The following TDRD10 variants were observed in gnomAD, a reference collection of about 807,000 sequenced individuals.
TDRD10 encodes tudor domain containing 10, also known as tudor domain-containing protein 10.
In TDRD10, 40 loss-of-function variants were observed where a neutral mutation model predicts 48.0. The ratio of observed to expected loss-of-function variants is 0.83; its 90% CI spans 0.65 to 1.09. TDRD10 has a LOEUF of 1.09. Among genes scored for constraint, TDRD10 ranks in the 50% least tolerant of loss-of-function variants. The pLI, the probability that TDRD10 is intolerant of heterozygous loss-of-function variation, is 0.00. For missense variants in TDRD10, 378 were observed against 434.7 expected, an observed-to-expected ratio of 0.87 and a Z score of 1.16; for synonymous variants, 162 against 170.4, an observed-to-expected ratio of 0.95 and a Z score of 0.38.
At chr1:154,506,762 G>A (rs1693175225) in intron 1 of TDRD10, 115 bp from the exon 2 acceptor site, 2 of 857,812 alleles carry the variant, frequency 2.3e-6, no homozygotes, top group Admixed American at 1.9e-5. Context: ...GGATTAGGAT[G>A]TGGACCACTT....
intron 6 of TDRD10, among the ~76,000 whole-genome samples, chr1:154,526,203 C>CAAA (rs58688953): frequency 2.7e-5 from 3 of 110,416 alleles, no homozygotes; most frequent in East Asian, 2.7e-4. Context: ...GACTTCATCT[C>CAAA]AAAAAAAAAA....
At chr1:154,542,131 A>G in intron 7 of TDRD10, 65 bp downstream of exon 7, 3 of 1,555,586 alleles carry the variant, frequency 1.9e-6, no homozygotes, top group Non-Finnish European at 2.7e-6. Context: ...GACCTCTTCC[A>G]GCCCCTTCTG....
At chr1:154,519,859 T>G (rs1693965976) in intron 4 of TDRD10, among the ~76,000 whole-genome samples, 3 of 151,226 alleles carry the variant, frequency 2.0e-5, no homozygotes, top group South Asian at 2.1e-4. Context: ...AGGAGAAGGG[T>G]GTGGGGAAAT....
chr1:154,506,743 A>G, intron 1 of TDRD10, 134 bp from the exon 2 acceptor site: 1 of 729,792 alleles, frequency 1.4e-6, no homozygotes, highest in Non-Finnish European at 2.4e-6. Context: ...ATACATTCAT[A>G]GGTTCTAGGG....
Position 154,506,878 on chromosome 1 carries a change from A to C in TDRD10, c.-26A>C. On this transcript the variant is annotated splice_region_variant and 5_prime_UTR_variant, in exon 2 of 13. Coordinates refer to ENST00000368482, the MANE Select transcript of TDRD10 (RefSeq NM_182499.4). ...AACTGTGGCCGGTTGGTTTTGTAGGAGATCCTGTTGGAAAGCAACTGCAGC... is the reference window on the plus strand; with the variant it reads ...AACTGTGGCCGGTTGGTTTTGTAGGCGATCCTGTTGGAAAGCAACTGCAGC... 2 of 1,614,040 alleles carry C rather than the reference A, an allele frequency of 1.2e-6. No individual in the cohort carries two copies. The highest frequency in any genetic ancestry group is 2.7e-5 in the African/African-American group (2 of 75,036).
chr1:154,507,363 C>T, intron 3 of TDRD10, 43 bp downstream of exon 3: 2 of 1,605,974 alleles, frequency 1.2e-6, no homozygotes, highest in Non-Finnish European at 8.5e-7. Context: ...GACTCTCATC[C>T]TACAACTTGG....
At chr1:154,533,636 T>TTTTATTTATTTA (rs1310551558) in intron 6 of TDRD10, among the ~76,000 whole-genome samples, 2 of 151,782 alleles carry the variant, frequency 1.3e-5, no homozygotes, top group Non-Finnish European at 2.9e-5. Flanking sequence ...TAAGAATGGT[T>TTTTATTTATTTA]TTTATTTATT....
intron 6 of TDRD10, among the ~76,000 whole-genome samples, chr1:154,527,041 G>T (rs577407994): frequency 6.6e-6 from 1 of 152,184 alleles, no homozygotes; most frequent in South Asian, 2.1e-4. Context: ...CTCCCAAGTA[G>T]CTGGGATTAC....
intron 11 of TDRD10, among the ~76,000 whole-genome samples, chr1:154,545,756 A>G (rs959076735): frequency 1.4e-5 from 2 of 147,674 alleles, no homozygotes; most frequent in Non-Finnish European, 3.0e-5. Flanking sequence ...GAAACGTTTT[A>G]TAGACAAACT....
intron 6 of TDRD10, among the ~76,000 whole-genome samples, chr1:154,531,725 C>G (rs1018136318): frequency 6.6e-6 from 1 of 152,196 alleles, no homozygotes; most frequent in African/African-American, 2.4e-5. Context: ...GTTGCCACTG[C>G]TGGCTCGGGC....
intron 6 of TDRD10, among the ~76,000 whole-genome samples, chr1:154,525,895 C>CAAA (rs59844127): frequency 1.1e-4 from 6 of 52,976 alleles, no homozygotes; most frequent in Admixed American, 3.0e-4. Flanking sequence ...GATTCCGTCT[C>CAAA]AAAAAAAAAA....
At chr1:154,520,087 C>A (rs1693978701) in intron 4 of TDRD10, among the ~76,000 whole-genome samples, 2 of 152,210 alleles carry the variant, frequency 1.3e-5, no homozygotes, top group South Asian at 4.1e-4. Flanking sequence ...AGTTAATTGT[C>A]TTGTCTGCAT....
chr1:154,514,460 A>G (rs7529744), intron 4 of TDRD10, among the ~76,000 whole-genome samples: 147,146 of 152,220 alleles, frequency 0.97, 71,311 homozygotes, highest in Middle Eastern at 1. Flanking sequence ...AAGGGGTGGA[A>G]AGACAGGGGA....
chr1:154,544,394 C>A lies in TDRD10; in HGVS notation c.674C>A (p.Ala225Asp). 1 of 1,592,166 alleles carries A rather than the reference C, an allele frequency of 6.3e-7. No individual in the cohort carries two copies. The highest frequency in any genetic ancestry group is 8.5e-7 in the Non-Finnish European group (1 of 1,169,772). The change falls in exon 10 of 13, where the codon GCT becomes GAT. Residue 225 changes from alanine to aspartate, a missense_variant. By Grantham distance (126) the Ala-to-Asp change is moderately radical (BLOSUM62 -2). Transcript: ENST00000368482. ...CAGGCTCTGCACCAGAACATGCAGG[C>A]TCTGTTTAGCACCCTGGCTCAGGCG... ...VTEALHQNMQALFSTLAQAEE... is the reference protein window; with the variant it reads ...VTEALHQNMQDLFSTLAQAEE...
chr1:154,506,986 C>A, intron 2 of TDRD10, 81 bp downstream of exon 2: 2 of 1,613,310 alleles, frequency 1.2e-6, no homozygotes, highest in Non-Finnish European at 1.7e-6. Context: ...TCTCACCATG[C>A]CCTGGTCTTA....
Position 154,521,061 on chromosome 1 carries a change from A to G in TDRD10, c.213-262A>G, listed in dbSNP as rs1694028829. 2.0e-5 allele frequency among the ~76,000 whole-genome samples: 3 copies of G among 152,198 alleles called. No individual in the cohort carries two copies. In the South Asian group the frequency reaches 6.2e-4, roughly 32 times the overall value. ...GCTTGCTTTGAACTTTTGGGGCAGT[A>G]GTATTAAACTCAAAGTCATAGACAT... On this transcript the variant is annotated intron_variant, in intron 5 of 12. Transcript: ENST00000368482.
chr1:154,504,088 A>T (rs899327173), intron 1 of TDRD10, among the ~76,000 whole-genome samples: 1 of 152,190 alleles, frequency 6.6e-6, no homozygotes, highest in African/African-American at 2.4e-5. Context: ...CTTTCTGTCT[A>T]TATAGATTTG....
chr1:154,535,227 C>T (rs575676845), intron 6 of TDRD10, among the ~76,000 whole-genome samples: 3 of 152,100 alleles, frequency 2.0e-5, no homozygotes, highest in South Asian at 4.2e-4. Context: ...ATTAGCCAAG[C>T]GTGGTGGTGC....
At chr1:154,531,966 C>T (rs1370853799) in intron 6 of TDRD10, among the ~76,000 whole-genome samples, 1 of 152,196 alleles carries the variant, frequency 6.6e-6, no homozygotes, top group African/African-American at 2.4e-5. Flanking sequence ...ATTTACAATC[C>T]CTTAGCTAGT....
Sources: gnomAD v4.1 joint callset for allele counts (sites outside exome capture counted in the v4.1 genomes callset) on GRCh38, gnomAD v4.1.1 for gene constraint, MANE v1.5 for transcripts, NCBI Gene and HGNC (gene_info 2026-07-23, HGNC 2026-07-21) for gene names.